DSCAM: variants seen among roughly 807,000 people sequenced by gnomAD.
The protein encoded by DSCAM is cell adhesion molecule DSCAM.
Under a neutral mutation model 217.7 loss-of-function variants are expected in DSCAM, and 47 were observed. The observed-to-expected ratio is 0.22, with a 90% CI of 0.17 to 0.28. The LOEUF (loss-of-function observed/expected upper bound fraction) is 0.28, where lower values mean the gene tolerates loss of function less well. Ranked by LOEUF, DSCAM falls within the 10% of genes least tolerant of loss-of-function variation. DSCAM has a pLI of 1.00. For missense variants in DSCAM, 2,080 were observed against 2,618.3 expected (o/e 0.79, Z 4.49); for synonymous variants, 1,056 against 1,015.3 (o/e 1.04, Z -0.76).
intron 3 of DSCAM, among the ~76,000 whole-genome samples, chr21:40,577,627 G>A (rs988266092): frequency 2.0e-5 from 3 of 152,120 alleles, no homozygotes; most frequent in Non-Finnish European, 4.4e-5. Flanking sequence ...GACGAGAGAC[G>A]GCTAACGCTC....
chr21:40,563,730 A>ATATGTT (rs2076742590), intron 3 of DSCAM, among the ~76,000 whole-genome samples: 1 of 145,664 alleles, frequency 6.9e-6, no homozygotes, highest in African/African-American at 2.5e-5. Flanking sequence ...ATATATGTTT[A>ATATGTT]TATGTTTATA....
rs142923786 is a variant in DSCAM at position 40,705,707 on chromosome 21, T to C, written c.361+2747A>G. ...ACCCCATGATTCAATGACCTTCCAC[T>C]GGGTCCCTCCCAGGACCCATGGGGA... On this transcript the variant is annotated intron_variant, in intron 2 of 32. Coordinates refer to ENST00000400454, the MANE Select transcript of DSCAM (RefSeq NM_001389.5). Among the ~76,000 whole-genome samples the C allele has an allele frequency of 6.8e-3, 1,040 of 152,286 alleles. 13 individuals carry two copies. The highest frequency in any genetic ancestry group is 0.023 in the African/African-American group (960 of 41,570).
At chr21:40,072,503 C>T (rs571147283) in intron 27 of DSCAM, among the ~76,000 whole-genome samples, 1 of 152,096 alleles carries the variant, frequency 6.6e-6, no homozygotes, top group East Asian at 1.9e-4. Context: ...CCCGCCACCA[C>T]CCCCGGCTAA....
chr21:40,757,636 G>A (rs117856970), intron 1 of DSCAM, among the ~76,000 whole-genome samples: 16 of 152,340 alleles, frequency 1.1e-4, no homozygotes, highest in Non-Finnish European at 2.2e-4. Context: ...AGGGTAAAGA[G>A]CATGTGCTGA....
chr21:40,422,683 TA>T (rs1197071075), intron 3 of DSCAM, among the ~76,000 whole-genome samples: 1 of 152,066 alleles, frequency 6.6e-6, no homozygotes. Context: ...GTCTATTTTT[TA>T]AAAAATGTAT....
chr21:40,840,044 T>G (rs2092087506), intron 1 of DSCAM, among the ~76,000 whole-genome samples: 1 of 152,190 alleles, frequency 6.6e-6, no homozygotes, highest in South Asian at 2.1e-4. Context: ...TCAGCGTTGA[T>G]CACATAGAAC....
intron 20 of DSCAM, among the ~76,000 whole-genome samples, chr21:40,110,034 T>C (rs2410214): frequency 0.12 from 18,627 of 152,152 alleles, 1,228 homozygotes; most frequent in Non-Finnish European, 0.16. Context: ...CTCTGAACAC[T>C]TAAATGTCAC....
intron 21 of DSCAM, among the ~76,000 whole-genome samples, chr21:40,091,479 C>T (rs980566913): frequency 2.6e-5 from 4 of 151,996 alleles, no homozygotes; most frequent in Admixed American, 6.6e-5. Flanking sequence ...TTCACATAAC[C>T]GCCTTTGCTT....
At chr21:40,020,652 C>T (rs2088249348) in intron 32 of DSCAM, among the ~76,000 whole-genome samples, 2 of 152,146 alleles carry the variant, frequency 1.3e-5, no homozygotes, top group Admixed American at 6.5e-5. Flanking sequence ...GGATCCAGCT[C>T]ATGGTCTGAC....
intron 11 of DSCAM, among the ~76,000 whole-genome samples, chr21:40,262,519 T>G (rs1468544205): frequency 1.3e-5 from 2 of 152,154 alleles, no homozygotes. Flanking sequence ...CAATACCCAA[T>G]CATAGAATTA....
intron 1 of DSCAM, among the ~76,000 whole-genome samples, chr21:40,733,317 C>G (rs939657228): frequency 1.3e-5 from 2 of 152,150 alleles, no homozygotes; most frequent in African/African-American, 4.8e-5. Flanking sequence ...GTTTCTTTTG[C>G]GGTTTCAATT....
intron 3 of DSCAM, among the ~76,000 whole-genome samples, chr21:40,491,542 A>G (rs949848571): frequency 3.3e-5 from 5 of 152,036 alleles, no homozygotes; most frequent in Non-Finnish European, 7.4e-5. Context: ...AATCCATGCA[A>G]AAGTACCCTG....
At chr21:40,554,630 A>G (rs9983411) in intron 3 of DSCAM, among the ~76,000 whole-genome samples, 68,205 of 151,990 alleles carry the variant, frequency 0.45, 16,586 homozygotes, top group Admixed American at 0.55. Context: ...ACTCACATAG[A>G]GGGAGACATA....
At chr21:40,499,779 T>C (rs1362700347) in intron 3 of DSCAM, among the ~76,000 whole-genome samples, 1 of 152,036 alleles carries the variant, frequency 6.6e-6, no homozygotes, top group Non-Finnish European at 1.5e-5. Flanking sequence ...CCTTCTTTTT[T>C]TCTTTTTCTT....
At chr21:40,542,897 G>A (rs371774650) in intron 3 of DSCAM, among the ~76,000 whole-genome samples, 2 of 151,990 alleles carry the variant, frequency 1.3e-5, no homozygotes, top group Non-Finnish European at 2.9e-5. Flanking sequence ...TATTAGAAAC[G>A]ACCCCAGGAA....
At chr21:40,416,143 T>C (rs754102688) in intron 3 of DSCAM, among the ~76,000 whole-genome samples, 2 of 152,200 alleles carry the variant, frequency 1.3e-5, no homozygotes, top group Non-Finnish European at 2.9e-5. Flanking sequence ...TTTTCTGGAT[T>C]GGACACATTT....
chr21:40,493,413 G>A (rs952409868), intron 3 of DSCAM, among the ~76,000 whole-genome samples: 5 of 152,040 alleles, frequency 3.3e-5, no homozygotes, highest in African/African-American at 1.2e-4. Flanking sequence ...TAAGTAAATG[G>A]TCAAATTAAG....
At chr21:40,785,864 C>T (rs185792974) in intron 1 of DSCAM, among the ~76,000 whole-genome samples, 1 of 152,222 alleles carries the variant, frequency 6.6e-6, no homozygotes, top group African/African-American at 2.4e-5. Flanking sequence ...AGTTTCTTTC[C>T]TTTCCACATA....
chr21:40,419,330 T>C (rs1467324764), intron 3 of DSCAM, among the ~76,000 whole-genome samples: 1 of 152,136 alleles, frequency 6.6e-6, no homozygotes, highest in African/African-American at 2.4e-5. Context: ...TCCTGTGTTT[T>C]CAGATAGAAA....
Sources: allele counts gnomAD v4.1 joint callset (sites outside exome capture counted in the v4.1 genomes callset), GRCh38; gene constraint gnomAD v4.1.1; transcripts MANE v1.5; gene names NCBI Gene and HGNC (gene_info 2026-07-23, HGNC 2026-07-21).